Variants in DMD observed in about 807,000 individuals in gnomAD.
DMD encodes the protein mutant dystrophin.
Under a neutral mutation model 330.1 loss-of-function variants are expected in DMD, and 63 were observed. The ratio of observed to expected loss-of-function variants is 0.19; its 90% CI spans 0.16 to 0.24. The LOEUF (loss-of-function observed/expected upper bound fraction) is 0.24. Among genes scored for constraint, DMD ranks in the 10% least tolerant of loss-of-function variants. DMD has a pLI of 1.00. For synonymous variants in DMD, 1,223 were observed against 959.8 expected, an observed-to-expected ratio of 1.27 and a Z score of -5.07; for missense variants, 3,344 against 2,684.1, an observed-to-expected ratio of 1.25 and a Z score of -5.43.
intron 12 of DMD, among the ~76,000 whole-genome samples, chrX:32,598,247 C>T (rs1213917978): frequency 8.9e-6 from 1 of 111,977 alleles, no homozygotes; most frequent in Non-Finnish European, 1.9e-5. Context: ...TCTATACTGC[C>T]TATCATGCCT....
At chrX:31,394,606 C>T (rs1191876834) in intron 60 of DMD, among the ~76,000 whole-genome samples, 1 of 110,389 alleles carries the variant, frequency 9.1e-6, no homozygotes, top group Non-Finnish European at 1.9e-5. Flanking sequence ...ACAGCCTGGC[C>T]AACATGGTGA....
chrX:32,748,526 T>G (rs1426228032), intron 7 of DMD, among the ~76,000 whole-genome samples: 1 of 111,289 alleles, frequency 9.0e-6, no homozygotes, highest in Non-Finnish European at 1.9e-5. Context: ...AATAATTACA[T>G]CTACAGAACT....
At chrX:33,333,655 A>G (rs181929924) in intron 1 of DMD, among the ~76,000 whole-genome samples, 246 of 111,410 alleles carry the variant, frequency 2.2e-3, no homozygotes, top group African/African-American at 7.9e-3. Flanking sequence ...ATTTGGTGGT[A>G]AATTCAGAAT....
chrX:32,632,717 C>A (rs1202069514), intron 11 of DMD, among the ~76,000 whole-genome samples: 1 of 100,363 alleles, frequency 1.0e-5, no homozygotes, highest in East Asian at 3.0e-4. Context: ...GCTACAGTGG[C>A]CAGGACGCTG....
intron 60 of DMD, among the ~76,000 whole-genome samples, chrX:31,406,526 C>T (rs1456480087): frequency 9.0e-6 from 1 of 110,945 alleles, no homozygotes; most frequent in Admixed American, 9.6e-5. Flanking sequence ...ATTGGTGTTC[C>T]AGGTAGAGAA....
At chrX:32,794,978 T>C (rs2076080354) in intron 7 of DMD, among the ~76,000 whole-genome samples, 1 of 112,049 alleles carries the variant, frequency 8.9e-6, no homozygotes, top group Admixed American at 9.4e-5. Context: ...CCGTATAAAA[T>C]ACAGAACACT....
intron 17 of DMD, among the ~76,000 whole-genome samples, chrX:32,527,011 A>T (rs1356826341): frequency 8.9e-6 from 1 of 112,257 alleles, no homozygotes; most frequent in African/African-American, 3.2e-5. Flanking sequence ...CCCAGACTTA[A>T]CTAATTTGAT....
At chrX:32,320,789 T>C (rs1208025000) in intron 41 of DMD, among the ~76,000 whole-genome samples, 2 of 111,922 alleles carry the variant, frequency 1.8e-5, no homozygotes, top group South Asian at 3.7e-4. Context: ...ATGTGTTCTA[T>C]TTTAAATAAT....
chrX:31,916,343 G>GAGTT (rs1475767541), intron 47 of DMD, among the ~76,000 whole-genome samples: 1 of 112,161 alleles, frequency 8.9e-6, no homozygotes. Context: ...TACACTATTG[G>GAGTT]AGTTATTACT....
Position 32,277,073 on chromosome X carries a change from G to A in DMD, c.6290+10456C>T, listed in dbSNP as rs57454762. Among the ~76,000 whole-genome samples, 460 of 111,709 alleles carry A rather than the reference G, an allele frequency of 4.1e-3. 4 individuals are homozygous for A. Among genetic ancestry groups the A allele is most frequent in the African/African-American group, 0.014 (442 of 30,742 alleles). On this transcript the variant is annotated intron_variant, in intron 43 of 78. Transcript: ENST00000357033. ...TCACCTATAAAGCTACACACAGACTGGAAATAAAGGGATGGAAAAAGATAT... is the reference window on the plus strand; with the variant it reads ...TCACCTATAAAGCTACACACAGACTAGAAATAAAGGGATGGAAAAAGATAT...
At chrX:31,476,789 G>T (rs1013490684) in intron 59 of DMD, among the ~76,000 whole-genome samples, 1 of 111,171 alleles carries the variant, frequency 9.0e-6, no homozygotes, top group East Asian at 2.8e-4. Context: ...AGGGGTGAAT[G>T]GGATTTAAAG....
intron 47 of DMD, among the ~76,000 whole-genome samples, chrX:31,894,278 G>T (rs373957875): frequency 1.8e-5 from 2 of 112,043 alleles, no homozygotes; most frequent in African/African-American, 6.5e-5. Context: ...CTCCAAAGCC[G>T]GGACTCCTGC....
intron 9 of DMD, among the ~76,000 whole-genome samples, chrX:32,678,798 C>G (rs73453079): frequency 0.04 from 4,448 of 111,641 alleles, 237 homozygotes; most frequent in African/African-American, 0.14. Context: ...CGCACGTTGT[C>G]ACTCCTGTGA....
intron 1 of DMD, among the ~76,000 whole-genome samples, chrX:33,232,808 C>T (rs1246798406): frequency 9.0e-6 from 1 of 111,398 alleles, no homozygotes; most frequent in Non-Finnish European, 1.9e-5. Context: ...ATGAGAATCG[C>T]TTAAACCCAG....
intron 49 of DMD, among the ~76,000 whole-genome samples, chrX:31,830,047 C>T (rs941378724): frequency 2.7e-5 from 3 of 112,075 alleles, no homozygotes; most frequent in Admixed American, 1.9e-4. Flanking sequence ...TTATTTTATT[C>T]GGAACCACAA....
chrX:31,190,378 T>C (rs1369451139), intron 67 of DMD, among the ~76,000 whole-genome samples: 1 of 109,411 alleles, frequency 9.1e-6, no homozygotes, highest in African/African-American at 3.3e-5. Context: ...GATGTTCTTT[T>C]GAGAGCATAT....
At chrX:31,176,068 T>G (rs1383960631) in intron 71 of DMD, among the ~76,000 whole-genome samples, 3 of 111,504 alleles carry the variant, frequency 2.7e-5, no homozygotes, top group African/African-American at 9.7e-5. Flanking sequence ...TCTTGCAAAA[T>G]GAAACACGTT....
At chrX:33,000,983 C>T (rs771154957) in intron 2 of DMD, among the ~76,000 whole-genome samples, 9 of 111,023 alleles carry the variant, frequency 8.1e-5, no homozygotes, top group African/African-American at 1.6e-4. Flanking sequence ...ATTTACTGTG[C>T]GCTAGGCACT....
At chrX:33,074,079 A>G (rs947073268) in intron 1 of DMD, among the ~76,000 whole-genome samples, 22 of 111,216 alleles carry the variant, frequency 2.0e-4, no homozygotes, top group African/African-American at 7.2e-4. Flanking sequence ...ACAAGATTGA[A>G]AAACTAACTT....
Sources: allele counts gnomAD v4.1 joint callset (sites outside exome capture counted in the v4.1 genomes callset), GRCh38; gene constraint gnomAD v4.1.1; transcripts MANE v1.5; gene names NCBI Gene and HGNC (gene_info 2026-07-23, HGNC 2026-07-21).